ZMYM2: variants seen among roughly 807,000 people sequenced by gnomAD.
The protein encoded by ZMYM2 is zinc finger MYM-type protein 2.
A neutral mutation model predicts 162.8 loss-of-function variants in ZMYM2; 56 were observed. That is an observed-to-expected ratio of 0.34 (90% CI 0.28 to 0.43). ZMYM2 has a LOEUF of 0.43. Ranked by LOEUF, ZMYM2 falls within the 20% of genes least tolerant of loss-of-function variation. The probability of loss-of-function intolerance (pLI) is 1.00; values close to 1 mark genes in which losing one functional copy is unlikely to be tolerated. For synonymous variants in ZMYM2, 510 were observed against 541.6 expected (o/e 0.94, Z 0.81); for missense variants, 1,275 against 1,621.8 (o/e 0.79, Z 3.67).
At chr13:20,036,699 GT>G (rs144794743) in intron 11 of ZMYM2, 37 bp from the exon 12 acceptor site, 93,719 of 1,424,596 alleles carry the variant, frequency 0.066, 4,591 homozygotes, top group African/African-American at 0.22. Flanking sequence ...GTTTTCATGT[GT>G]TTTTTTGTTT....
the ZMYM2 span, among the ~76,000 whole-genome samples, chr13:19,874,884 C>T: frequency 1.3e-5 from 2 of 152,072 alleles, no homozygotes; most frequent in Non-Finnish European, 2.9e-5. Context: ...AGATACCAGT[C>T]AGAATGGCTA....
chr13:20,082,664 A>C, intron 22 of ZMYM2, 117 bp from the exon 23 acceptor site: 1 of 872,804 alleles, frequency 1.1e-6, no homozygotes, highest in Non-Finnish European at 1.7e-6. Context: ...TAGTTGATCT[A>C]ATATGAAAGG....
the ZMYM2 span, among the ~76,000 whole-genome samples, chr13:19,917,462 C>T: frequency 0.012 from 1,859 of 151,640 alleles, 27 homozygotes; most frequent in Non-Finnish European, 0.015. Flanking sequence ...TGGTGGTGCA[C>T]GCCTGTAATC....
the ZMYM2 span, among the ~76,000 whole-genome samples, chr13:19,891,742 A>T: frequency 6.6e-6 from 1 of 151,642 alleles, no homozygotes; most frequent in Non-Finnish European, 1.5e-5. Context: ...GCACCACTGT[A>T]CTCCAGCCTG....
chr13:19,864,797 C>T, the ZMYM2 span: 2 of 152,410 alleles, frequency 1.3e-5, no homozygotes, highest in African/African-American at 4.8e-5. Flanking sequence ...AGATGGCGCC[C>T]GGTGAGGGCG....
Position 20,005,225 on chromosome 13 carries a change from G to T in ZMYM2, c.1285G>T (p.Gly429Cys). 1 of 1,556,858 alleles carries T rather than the reference G, an allele frequency of 6.4e-7. No homozygotes were observed. Among genetic ancestry groups the T allele is most frequent in the East Asian group, 2.4e-5 (1 of 41,460 alleles). ...ALNKSRCTIC[G>C]KLTEIRHEVS... is the part of the protein sequence containing the mutation. ...AAATAAATCAAGATGTACAATCTGT[G>T]GTAAACTAACTGAGGTTTGTATTTT... The change falls in exon 5 of 25, where the codon GGT becomes TGT. Residue 429 changes from glycine (G) to cysteine (C), a missense_variant. Around this residue, in one of 10 missense-constraint regions of ZMYM2, gnomAD observed 276 missense variants for 311.8 expected, o/e 0.89. Transcript: ENST00000610343.
At chr13:20,022,263 C>G (rs778771852) in intron 7 of ZMYM2, among the ~76,000 whole-genome samples, 6 of 152,156 alleles carry the variant, frequency 3.9e-5, no homozygotes, top group Non-Finnish European at 8.8e-5. Flanking sequence ...TATGACTTGA[C>G]ATTTTGAATA....
chr13:20,075,431 T>G (rs1256714874), intron 21 of ZMYM2, among the ~76,000 whole-genome samples: 1 of 152,206 alleles, frequency 6.6e-6, no homozygotes, highest in Non-Finnish European at 1.5e-5. Context: ...TTTGTTTGTT[T>G]GTTTGTTTTT....
chr13:19,945,951 G>GAAAAAAAAAA, the ZMYM2 span, among the ~76,000 whole-genome samples: 1 of 89,572 alleles, frequency 1.1e-5, no homozygotes, highest in African/African-American at 5.0e-5. Flanking sequence ...CTCCGTCTCA[G>GAAAAAAAAAA]AAAAAAAAAA....
intron 12 of ZMYM2, among the ~76,000 whole-genome samples, chr13:20,043,519 G>T (rs755009234): frequency 7.2e-5 from 11 of 152,124 alleles, no homozygotes; most frequent in African/African-American, 2.4e-4. Context: ...GGTGGTGGTG[G>T]CAGGGCGCTG....
At chr13:20,019,953 T>TAA (rs10677226) in intron 7 of ZMYM2, 152,102 of 159,140 alleles carry the variant, frequency 0.96, 72,654 homozygotes, top group Admixed American at 0.97. Flanking sequence ...CCTGAAAAGT[T>TAA]AAAAAAAAAA....
intron 24 of ZMYM2, among the ~76,000 whole-genome samples, chr13:20,085,200 T>G (rs1316799853): frequency 6.6e-6 from 1 of 152,218 alleles, no homozygotes; most frequent in East Asian, 1.9e-4. Flanking sequence ...GGTGTGGAAC[T>G]TTCCACTTTT....
chr13:19,930,448 A>T, the ZMYM2 span, among the ~76,000 whole-genome samples: 5 of 151,870 alleles, frequency 3.3e-5, no homozygotes, highest in African/African-American at 1.2e-4. Context: ...TATTATTTTT[A>T]AAATTATCTT....
Position 20,064,509 on chromosome 13 carries a change from A to C in ZMYM2, c.3096A>C (p.Glu1032Asp). The C allele has an allele frequency of 1.3e-6, 2 of 1,599,064 alleles. No homozygotes were observed. The highest frequency in any genetic ancestry group is 8.5e-7 in the Non-Finnish European group (1 of 1,172,650). Residue 1032 changes from glutamate to aspartate, a missense_variant, in exon 19 of 25, where the codon GAA (glutamate) becomes GAC (aspartate). Glu to Asp is a conservative substitution (Grantham distance 45, BLOSUM62 2). Coordinates refer to ENST00000610343, the MANE Select transcript of ZMYM2 (RefSeq NM_197968.4). ...EFLLPPVFGEEYEEQPRPRSK... is the reference protein window; with the variant it reads ...EFLLPPVFGEDYEEQPRPRSK... ...TATTACCACCTGTTTTTGGCGAAGA[A>C]TATGAGGAACAGCCCAGACCTCGAT...
At chr13:20,025,308 T>C (rs1056600911) in intron 7 of ZMYM2, 1 of 196,482 alleles carries the variant, frequency 5.1e-6, no homozygotes, top group Non-Finnish European at 1.1e-5. Context: ...ATTTGTGATA[T>C]TTGATTTAAC....
chr13:19,955,155 T>C (rs1954480930), upstream of ZMYM2, among the ~76,000 whole-genome samples: 1 of 151,328 alleles, frequency 6.6e-6, no homozygotes, highest in Non-Finnish European at 1.5e-5. Flanking sequence ...ATTATTATTA[T>C]TATTATTATT....
At chr13:19,898,922 G>A in the ZMYM2 span, among the ~76,000 whole-genome samples, 1 of 150,544 alleles carries the variant, frequency 6.6e-6, no homozygotes, top group East Asian at 1.9e-4. Context: ...GACAGAGCAA[G>A]ACCCCACTTC....
At chr13:20,033,377 C>T (rs901336157) in intron 10 of ZMYM2, among the ~76,000 whole-genome samples, 1 of 152,080 alleles carries the variant, frequency 6.6e-6, no homozygotes, top group Admixed American at 6.6e-5. Flanking sequence ...TTGAGCGTGT[C>T]CCCCTGGGAG....
the ZMYM2 span, among the ~76,000 whole-genome samples, chr13:19,929,330 C>T: frequency 6.6e-6 from 1 of 152,044 alleles, no homozygotes; most frequent in Non-Finnish European, 1.5e-5. Context: ...ACTGCGCCTC[C>T]TGGGTTCACG....
Sources: gnomAD v4.1 joint callset for allele counts (sites outside exome capture counted in the v4.1 genomes callset) on GRCh38, gnomAD v4.1.1 for gene constraint, gnomAD v4.1.1 regional missense constraint, MANE v1.5 for transcripts, NCBI Gene and HGNC (gene_info 2026-07-23, HGNC 2026-07-21) for gene names.